The following CSMD1 variants were observed in gnomAD, a reference collection of about 807,000 sequenced individuals.
CSMD1 encodes CUB and sushi domain-containing protein 1.
A neutral mutation model predicts 417.5 loss-of-function variants in CSMD1; 213 were observed. The observed-to-expected ratio is 0.51, with a 90% CI of 0.46 to 0.57. CSMD1 has a LOEUF of 0.57. CSMD1 is among the 20% of genes least tolerant of loss of function. CSMD1 has a pLI of 0.00. For synonymous variants in CSMD1, 2,862 were observed against 1,736.8 expected, an observed-to-expected ratio of 1.65 and a Z score of -16.11; for missense variants, 6,923 against 4,529.7, an observed-to-expected ratio of 1.53 and a Z score of -15.17.
chr8:4,680,730 C>T (rs1047484747), intron 1 of CSMD1, among the ~76,000 whole-genome samples: 5 of 151,928 alleles, frequency 3.3e-5, no homozygotes, highest in African/African-American at 1.2e-4. Flanking sequence ...CAGGTGAGGC[C>T]CACCACACCC....
intron 26 of CSMD1, among the ~76,000 whole-genome samples, chr8:3,256,645 C>T (rs955614108): frequency 1.2e-4 from 18 of 152,156 alleles, no homozygotes; most frequent in African/African-American, 4.1e-4. Flanking sequence ...AACATGTGTG[C>T]CTTGCAAGAA....
chr8:4,780,793 C>A (rs1017102428), intron 1 of CSMD1, among the ~76,000 whole-genome samples: 1 of 152,108 alleles, frequency 6.6e-6, no homozygotes, highest in Non-Finnish European at 1.5e-5. Context: ...TAGCTTAGCT[C>A]CCCCGTCTCA....
chr8:4,203,179 A>T (rs942933117), intron 3 of CSMD1, among the ~76,000 whole-genome samples: 54 of 152,212 alleles, frequency 3.5e-4, no homozygotes, highest in African/African-American at 1.3e-3. Context: ...TCATTTAAAA[A>T]ATCGTCAGTG....
At chr8:4,364,542 T>TATAATACAC (rs1801959211) in intron 3 of CSMD1, among the ~76,000 whole-genome samples, 2 of 79,102 alleles carry the variant, frequency 2.5e-5, no homozygotes, top group Admixed American at 1.2e-4. Context: ...AGATAATCAA[T>TATAATACAC]GGCCGGGCGC....
At chr8:3,455,894 G>T (rs1209074981) in intron 12 of CSMD1, among the ~76,000 whole-genome samples, 1 of 152,200 alleles carries the variant, frequency 6.6e-6, no homozygotes, top group East Asian at 1.9e-4. Flanking sequence ...GTTTGGCTAT[G>T]CCCTGCCCCC....
At chr8:3,395,300 T>C (rs1213002834) in intron 17 of CSMD1, among the ~76,000 whole-genome samples, 1 of 152,194 alleles carries the variant, frequency 6.6e-6, no homozygotes, top group African/African-American at 2.4e-5. Context: ...CCAATAGTAA[T>C]TGCCACTTTT....
At chr8:4,700,290 T>G (rs1056997443) in intron 1 of CSMD1, among the ~76,000 whole-genome samples, 2 of 152,086 alleles carry the variant, frequency 1.3e-5, no homozygotes, top group Admixed American at 6.5e-5. Flanking sequence ...GTGAGTATTA[T>G]AAACCAACGT....
At chr8:4,799,440 T>TA (rs148132849) in intron 1 of CSMD1, among the ~76,000 whole-genome samples, 1,766 of 151,612 alleles carry the variant, frequency 0.012, 36 homozygotes, top group African/African-American at 0.04. Flanking sequence ...CTACTAAAAA[T>TA]ACAAAAATTA....
intron 25 of CSMD1, among the ~76,000 whole-genome samples, chr8:3,301,071 C>T (rs114136260): frequency 0.02 from 3,070 of 150,404 alleles, 99 homozygotes; most frequent in African/African-American, 0.071. Context: ...TACATTGATA[C>T]GTATAAGACA....
At chr8:4,840,480 T>C (rs1484886848) in intron 1 of CSMD1, among the ~76,000 whole-genome samples, 1 of 152,242 alleles carries the variant, frequency 6.6e-6, no homozygotes, top group Non-Finnish European at 1.5e-5. Context: ...TTAGGTCTTT[T>C]GTTTTATTCG....
intron 10 of CSMD1, among the ~76,000 whole-genome samples, chr8:3,562,094 G>A (rs759561760): frequency 6.6e-6 from 1 of 150,572 alleles, no homozygotes; most frequent in Non-Finnish European, 1.5e-5. Context: ...CCTTCTTACA[G>A]ATGAACATAA....
intron 3 of CSMD1, among the ~76,000 whole-genome samples, chr8:4,071,073 G>C (rs1238433738): frequency 6.6e-6 from 1 of 151,762 alleles, no homozygotes; most frequent in African/African-American, 2.4e-5. Context: ...CATGGTTATG[G>C]TTTCTTTGCA....
intron 54 of CSMD1, among the ~76,000 whole-genome samples, chr8:2,986,458 C>T (rs973929477): frequency 2.0e-5 from 3 of 152,118 alleles, no homozygotes; most frequent in Non-Finnish European, 4.4e-5. Flanking sequence ...CTCAGCAACA[C>T]TCCCTCTAAG....
intron 3 of CSMD1, among the ~76,000 whole-genome samples, chr8:4,384,006 C>G (rs980148012): frequency 5.3e-5 from 8 of 152,152 alleles, no homozygotes; most frequent in African/African-American, 1.7e-4. Context: ...CAAGAAGGAT[C>G]CAGGGACCAC....
intron 2 of CSMD1, among the ~76,000 whole-genome samples, chr8:4,513,181 T>C (rs558562309): frequency 3.9e-5 from 6 of 152,316 alleles, no homozygotes; most frequent in South Asian, 4.1e-4. Flanking sequence ...AGTAGGTTCA[T>C]TGATTGTAAT....
intron 3 of CSMD1, among the ~76,000 whole-genome samples, chr8:4,032,876 C>A (rs1797421539): frequency 1.3e-5 from 2 of 152,052 alleles, no homozygotes; most frequent in South Asian, 2.1e-4. Flanking sequence ...AAAACTAGGT[C>A]AGGCCGTGGT....
intron 1 of CSMD1, among the ~76,000 whole-genome samples, chr8:4,798,443 G>C (rs186009330): frequency 1.3e-5 from 2 of 152,218 alleles, no homozygotes; most frequent in African/African-American, 2.4e-5. Flanking sequence ...TTTTAAAAAG[G>C]AGATGAGATT....
chr8:4,724,173 CT>C lies in CSMD1; in HGVS notation c.86-86616del, dbSNP rs551929651. Among the ~76,000 whole-genome samples, 30 of 152,186 alleles carry C rather than the reference CT, an allele frequency of 2.0e-4. No homozygotes were observed. The South Asian group carries it at 5.8e-3, about 29-fold the overall frequency. On this transcript the variant is annotated intron_variant, in intron 1 of 69. Transcript: ENST00000635120. The stretch of plus-strand genomic sequence containing the variant: ...AATAAAACATGGATGTTCCAGAATG[CT>C]TTTCATGAGTTTTATGATAATAATT...
intron 2 of CSMD1, among the ~76,000 whole-genome samples, chr8:4,538,452 G>C (rs1797218898): frequency 1.3e-5 from 2 of 151,980 alleles, no homozygotes; most frequent in Non-Finnish European, 2.9e-5. Context: ...AGACCAGCCT[G>C]GTCGACATGG....
Sources: allele counts gnomAD v4.1 joint callset (sites outside exome capture counted in the v4.1 genomes callset), GRCh38; gene constraint gnomAD v4.1.1; transcripts MANE v1.5; gene names NCBI Gene and HGNC (gene_info 2026-07-23, HGNC 2026-07-21).